The following KALRN variants were observed in gnomAD, a reference collection of about 807,000 sequenced individuals.
KALRN encodes the protein kalirin.
Under a neutral mutation model 353.7 loss-of-function variants are expected in KALRN, and 70 were observed. The observed-to-expected ratio is 0.20, with a 90% confidence interval of 0.16 to 0.24. The LOEUF (loss-of-function observed/expected upper bound fraction) is 0.24. KALRN is among the 10% of genes least tolerant of loss of function. The probability of loss-of-function intolerance (pLI) is 1.00; values close to 1 mark genes in which losing one functional copy is unlikely to be tolerated. For synonymous variants in KALRN, 1,391 were observed against 1,434.8 expected (o/e 0.97, Z 0.69); for missense variants, 2,791 against 3,756.7 (o/e 0.74, Z 6.72).
At chr3:124,411,433 C>CTGCTTTTTTT (rs2092141355) in intron 13 of KALRN, among the ~76,000 whole-genome samples, 1 of 51,480 alleles carries the variant, frequency 1.9e-5, no homozygotes, top group Non-Finnish European at 3.8e-5. Flanking sequence ...TTAAATTATG[C>CTGCTTTTTTT]TTTTTTTTTT....
chr3:124,457,455 T>C (rs1220127549), intron 23 of KALRN, among the ~76,000 whole-genome samples: 2 of 152,340 alleles, frequency 1.3e-5, no homozygotes, highest in Non-Finnish European at 2.9e-5. Context: ...TTCCCATAGC[T>C]TTCCTGCTGC....
chr3:124,058,577 C>T (rs1183300575), intron 1 of KALRN, among the ~76,000 whole-genome samples: 1 of 152,182 alleles, frequency 6.6e-6, no homozygotes, highest in African/African-American at 2.4e-5. Context: ...AGTTTTGAAT[C>T]TACATATCTC....
chr3:124,414,065 G>A (rs530436850), intron 14 of KALRN, among the ~76,000 whole-genome samples: 1 of 151,704 alleles, frequency 6.6e-6, no homozygotes, highest in Non-Finnish European at 1.5e-5. Flanking sequence ...GAGACCATGC[G>A]ACTGCACTCC....
At chr3:124,212,113 T>C (rs1480170855) in intron 1 of KALRN, among the ~76,000 whole-genome samples, 2 of 152,138 alleles carry the variant, frequency 1.3e-5, no homozygotes, top group Non-Finnish European at 2.9e-5. Context: ...GAGAAGTGGA[T>C]TCATACAGTT....
intron 32 of KALRN, among the ~76,000 whole-genome samples, chr3:124,494,117 G>A (rs2063467108): frequency 6.6e-6 from 1 of 152,176 alleles, no homozygotes; most frequent in Non-Finnish European, 1.5e-5. Flanking sequence ...TCCTATAGTA[G>A]GAGAGTTTGA....
chr3:124,081,516 A>T (rs2060541615), intron 1 of KALRN, among the ~76,000 whole-genome samples: 1 of 152,220 alleles, frequency 6.6e-6, no homozygotes, highest in African/African-American at 2.4e-5. Context: ...CACGCCTGTA[A>T]TCCCAGCTCT....
At chr3:124,373,082 T>A (rs1247291098) in intron 10 of KALRN, among the ~76,000 whole-genome samples, 1 of 152,098 alleles carries the variant, frequency 6.6e-6, no homozygotes, top group East Asian at 1.9e-4. Context: ...CTCATACCCC[T>A]TGGCCCTCAA....
chr3:124,063,677 C>T (rs1209231493), intron 1 of KALRN, among the ~76,000 whole-genome samples: 2 of 152,224 alleles, frequency 1.3e-5, no homozygotes, highest in Non-Finnish European at 2.9e-5. Context: ...TGGTAATTTT[C>T]TTCCTCACTT....
intron 1 of KALRN, among the ~76,000 whole-genome samples, chr3:124,178,192 T>C (rs1237362474): frequency 6.6e-6 from 1 of 152,210 alleles, no homozygotes; most frequent in African/African-American, 2.4e-5. Context: ...GTTCCCCTTT[T>C]CTGCGGGTGA....
At chr3:124,164,698 T>C (rs1236816434) in intron 1 of KALRN, 1 of 152,210 alleles carries the variant, frequency 6.6e-6, no homozygotes, top group Admixed American at 6.5e-5. Context: ...TTGATTAGTT[T>C]GGACTTCTTT....
chr3:124,671,772 G>A lies in KALRN; in HGVS notation c.6816G>A (p.Ala2272=), dbSNP rs201086875. Residue 2272 remains alanine (A), a synonymous_variant, in exon 48 of 60, where the codon GCG becomes GCA. Coordinates refer to ENST00000682506, the MANE Select transcript of KALRN (RefSeq NM_001388419.1). ...CCAGGCCCTACTCCTCTGTTCCTGC[G>A]GGCTCAGAGAAGCCCCCAAAGGGCT... ...ASPRPYSSVP[A]GSEKPPKGSS... The A allele has an allele frequency of 3.3e-5, 53 of 1,613,946 alleles. No individual in the cohort carries two copies. Among genetic ancestry groups the A allele is most frequent in the Admixed American group, 1.5e-4 (9 of 60,014 alleles).
intron 55 of KALRN, among the ~76,000 whole-genome samples, 161 bp downstream of exon 55, chr3:124,697,885 C>A (rs1033441259): frequency 6.6e-6 from 1 of 152,088 alleles, no homozygotes; most frequent in Admixed American, 6.5e-5. Context: ...TGGTCTCAAA[C>A]GCCAGGGCTA....
At chr3:124,309,357 T>A (rs2078021029) in intron 6 of KALRN, among the ~76,000 whole-genome samples, 1 of 152,030 alleles carries the variant, frequency 6.6e-6, no homozygotes, top group African/African-American at 2.4e-5. Context: ...GACCAATATC[T>A]CTTATAAATA....
chr3:124,442,573 C>T (rs1269395807), intron 19 of KALRN, among the ~76,000 whole-genome samples: 2 of 152,108 alleles, frequency 1.3e-5, no homozygotes, highest in African/African-American at 2.4e-5. Flanking sequence ...ATTGATTAAG[C>T]CTTTTAAAAC....
At chr3:124,698,831 A>G (rs2062184150) in intron 55 of KALRN, among the ~76,000 whole-genome samples, 1 of 152,248 alleles carries the variant, frequency 6.6e-6, no homozygotes, top group African/African-American at 2.4e-5. Flanking sequence ...ACATGCTAAA[A>G]GTGAATATAT....
intron 34 of KALRN, among the ~76,000 whole-genome samples, chr3:124,603,543 AG>A (rs1289183802): frequency 1.4e-4 from 21 of 152,198 alleles, no homozygotes; most frequent in African/African-American, 5.1e-4. Context: ...CTCTCCCTAC[AG>A]GTCATGCCAA....
intron 32 of KALRN, among the ~76,000 whole-genome samples, chr3:124,495,111 G>A (rs1169065211): frequency 6.6e-6 from 1 of 152,180 alleles, no homozygotes; most frequent in Non-Finnish European, 1.5e-5. Context: ...GGGGACAGCT[G>A]TGTGGTCCGG....
intron 52 of KALRN, among the ~76,000 whole-genome samples, chr3:124,694,128 A>G (rs1350380987): frequency 6.6e-6 from 1 of 152,094 alleles, no homozygotes; most frequent in Non-Finnish European, 1.5e-5. Context: ...TTCTGTTTAT[A>G]TTTCCTATTT....
chr3:124,487,190 T>C (rs939521459), intron 28 of KALRN, among the ~76,000 whole-genome samples: 1 of 152,144 alleles, frequency 6.6e-6, no homozygotes, highest in African/African-American at 2.4e-5. Flanking sequence ...GTGACCCTGA[T>C]AGGAAAAATG....
Sources: gnomAD v4.1 joint callset for allele counts (sites outside exome capture counted in the v4.1 genomes callset) on GRCh38, gnomAD v4.1.1 for gene constraint, MANE v1.5 for transcripts, NCBI Gene and HGNC (gene_info 2026-07-23, HGNC 2026-07-21) for gene names.